The following SEC11A variants were observed in gnomAD, a reference collection of about 807,000 sequenced individuals.
SEC11A encodes the protein SEC11 homolog A, signal peptidase complex subunit, also known as signal peptidase complex catalytic subunit SEC11A.
In SEC11A, 14 loss-of-function variants were observed where a neutral mutation model predicts 25.6. The observed-to-expected ratio is 0.55, with a 90% CI of 0.36 to 0.85. SEC11A has a LOEUF of 0.85. Ranked by LOEUF, SEC11A falls within the 40% of genes least tolerant of loss-of-function variation. The pLI, the probability that SEC11A is intolerant of heterozygous loss-of-function variation, is 0.01. For missense variants in SEC11A, 153 were observed against 222.9 expected (o/e 0.69, Z 2.00); for synonymous variants, 83 against 76.4 (o/e 1.09, Z -0.45).
chr15:84,687,722 G>A lies in SEC11A; in HGVS notation c.214C>T (p.Arg72Ter). Residue 72 changes from arginine to a stop codon, truncating the protein, a stop_gained, in exon 3 of 6, where the codon CGA becomes TGA. Transcript: ENST00000268220. LOFTEE classifies it high-confidence loss of function. ...HRGDLLFLTN[R>*]VEDPIRVGEI... is the part of the protein sequence containing the mutation. ...CCCACTCGTATGGGATCTTCAACTCGATTTGTTAGAAAGAGAAGATCTCCT... is the reference window on the plus strand; with the variant it reads ...CCCACTCGTATGGGATCTTCAACTCAATTTGTTAGAAAGAGAAGATCTCCT... The A allele has an allele frequency of 2.5e-6, 4 of 1,601,882 alleles. No homozygotes were observed. Among genetic ancestry groups the A allele is most frequent in the Non-Finnish European group, 3.4e-6 (4 of 1,176,726 alleles).
In SEC11A at chr15:84,693,949, T is replaced by A. The variant is rs561817616; in HGVS notation, c.52-2305A>T. 1.4e-4 allele frequency among the ~76,000 whole-genome samples: 22 copies of A among 152,290 alleles called. 1 individual carries two copies. Among genetic ancestry groups the A allele is most frequent in the Non-Finnish European group, 2.2e-4 (15 of 68,004 alleles). ...ATATGCACACACACATAAGTATACA[T>A]AGAACAAATATGGCCAAAATGCTAA... On this transcript the variant is annotated intron_variant, in intron 1 of 5. Transcript: ENST00000268220.
chr15:84,675,695 C>T (rs1338021416), intron 4 of SEC11A, among the ~76,000 whole-genome samples: 1 of 152,202 alleles, frequency 6.6e-6, no homozygotes, highest in Non-Finnish European at 1.5e-5. Flanking sequence ...GCCAATCTTT[C>T]ACCCTTTTCA....
rs55789527 is a variant in SEC11A, at chr15:84,695,088, T to TAAAAAA, written c.52-3450_52-3445dup. ...CTGGGCGACACAGCAAGACTCCATC[T>TAAAAAA]AAAAAAAAAAAAAAAAAAAAAAAAA... is the stretch of plus-strand genomic sequence containing the variant. On this transcript the variant is annotated intron_variant, in intron 1 of 5. Coordinates refer to ENST00000268220, the MANE Select transcript of SEC11A (RefSeq NM_014300.4). Among the ~76,000 whole-genome samples the TAAAAAA allele has an allele frequency of 6.7e-4, 18 of 26,938 alleles. 1 individual carries two copies. The highest frequency in any genetic ancestry group is 1.7e-3 in the African/African-American group (7 of 4,188). The allele number at this position is 26,938 out of a possible 152,430, so 17.7% of individuals were successfully genotyped here.
intron 4 of SEC11A, chr15:84,672,107 C>T (rs1896998851): frequency 6.6e-6 from 1 of 152,126 alleles, no homozygotes; most frequent in African/African-American, 2.4e-5. Context: ...AAAGACAGCA[C>T]AAACAGAAAT....
intron 1 of SEC11A, among the ~76,000 whole-genome samples, chr15:84,700,367 G>A (rs922549708): frequency 7.3e-5 from 11 of 151,492 alleles, no homozygotes; most frequent in Middle Eastern, 3.4e-3. Context: ...AGGCCAAGGC[G>A]GGCAGATCAC....
At chr15:84,675,988 G>GCCACTAC (rs1897122696) in intron 4 of SEC11A, among the ~76,000 whole-genome samples, 2 of 152,176 alleles carry the variant, frequency 1.3e-5, no homozygotes, top group Non-Finnish European at 2.9e-5. Context: ...GGCTGTCCGA[G>GCCACTAC]GCTACAGGAA....
rs527381429 is a variant in SEC11A, at chr15:84,696,160, C to T, written c.52-4516G>A. On this transcript the variant is annotated intron_variant, in intron 1 of 5. Coordinates refer to ENST00000268220, the MANE Select transcript of SEC11A (RefSeq NM_014300.4). ...ATGGATAATCTGAAACCTACTTTGA[C>T]ACTCACATTTACAGGTAAGGAAACT... Among the ~76,000 whole-genome samples the T allele has an allele frequency of 6.6e-5, 10 of 152,240 alleles. No individual in the cohort carries two copies. The South Asian group carries it at 2.1e-3, about 32-fold the overall frequency.
intron 3 of SEC11A, among the ~76,000 whole-genome samples, chr15:84,684,353 G>A (rs936261797): frequency 4.6e-5 from 7 of 152,244 alleles, no homozygotes; most frequent in Admixed American, 3.9e-4. Flanking sequence ...AGTCTCATGA[G>A]ATCCAATGGT....
At chr15:84,715,968 G>T in intron 1 of SEC11A, 57 bp downstream of exon 1, 2 of 1,552,940 alleles carry the variant, frequency 1.3e-6, no homozygotes, top group Non-Finnish European at 1.8e-6. Flanking sequence ...GGGCCCCGCA[G>T]CAGCAGCCTC....
At chr15:84,713,435 T>G (rs1329631397) in intron 1 of SEC11A, among the ~76,000 whole-genome samples, 1 of 152,200 alleles carries the variant, frequency 6.6e-6, no homozygotes. Context: ...AGTATCTACA[T>G]GTATTGTCAA....
chr15:84,687,435 G>T (rs966650857), intron 3 of SEC11A, among the ~76,000 whole-genome samples, 190 bp downstream of exon 3: 13 of 152,192 alleles, frequency 8.5e-5, no homozygotes, highest in Non-Finnish European at 1.9e-4. Flanking sequence ...TTCAGGGAAA[G>T]AAATGAACTA....
At chr15:84,680,686 G>C (rs376934375) in intron 4 of SEC11A, 27 bp downstream of exon 4, 164 of 1,565,898 alleles carry the variant, frequency 1.0e-4, no homozygotes, top group Non-Finnish European at 1.4e-4. Context: ...GATATAAAAA[G>C]TTTGAGATGC....
chr15:84,684,682 T>C (rs1361978870), intron 3 of SEC11A, among the ~76,000 whole-genome samples: 1 of 152,114 alleles, frequency 6.6e-6, no homozygotes, highest in Non-Finnish European at 1.5e-5. Context: ...CTGTAATCTC[T>C]GCACTTTGGG....
At chr15:84,681,148 C>A (rs1262015782) in intron 3 of SEC11A, among the ~76,000 whole-genome samples, 1 of 152,164 alleles carries the variant, frequency 6.6e-6, no homozygotes, top group African/African-American at 2.4e-5. Flanking sequence ...ACAGTACAAT[C>A]TCATTTTTAT....
intron 4 of SEC11A, chr15:84,680,005 C>T (rs1897244043): frequency 1.5e-6 from 2 of 1,316,204 alleles, no homozygotes; most frequent in Middle Eastern, 1.8e-4. Flanking sequence ...TTTTTAATTT[C>T]ATTCAACCTC....
intron 1 of SEC11A, among the ~76,000 whole-genome samples, chr15:84,699,954 T>C (rs548007617): frequency 1.3e-5 from 2 of 151,772 alleles, no homozygotes; most frequent in East Asian, 3.9e-4. Context: ...CCAGACAGAG[T>C]GGAAATCTTC....
At chr15:84,680,012 C>T in intron 4 of SEC11A, 2 of 1,283,434 alleles carry the variant, frequency 1.6e-6, no homozygotes, top group Non-Finnish European at 1.1e-6. Context: ...TTTCATTCAA[C>T]CTCATCAATT....
At chr15:84,689,984 A>C (rs1467937064) in intron 2 of SEC11A, among the ~76,000 whole-genome samples, 1 of 151,970 alleles carries the variant, frequency 6.6e-6, no homozygotes, top group African/African-American at 2.4e-5. Context: ...AATCACTAAG[A>C]GTGGTTGCGC....
At chr15:84,705,232 C>T (rs1466844165) in intron 1 of SEC11A, among the ~76,000 whole-genome samples, 1 of 152,158 alleles carries the variant, frequency 6.6e-6, no homozygotes, top group Non-Finnish European at 1.5e-5. Flanking sequence ...GCCAAGAGTC[C>T]TCTTTTATCC....
Sources: gnomAD v4.1 joint callset for allele counts (sites outside exome capture counted in the v4.1 genomes callset) on GRCh38, gnomAD v4.1.1 for gene constraint, MANE v1.5 for transcripts, NCBI Gene and HGNC (gene_info 2026-07-23, HGNC 2026-07-21) for gene names.